The following PDE10A variants were observed in gnomAD, a reference collection of about 807,000 sequenced individuals.
PDE10A encodes phosphodiesterase 10A.
A neutral mutation model predicts 97.7 loss-of-function variants in PDE10A; 39 were observed. The observed-to-expected ratio is 0.40, with a 90% CI of 0.31 to 0.52. The LOEUF is 0.52. Among genes scored for constraint, PDE10A ranks in the 20% least tolerant of loss-of-function variants. PDE10A has a pLI of 0.56. For missense variants in PDE10A, 731 were observed against 1,047.8 expected (o/e 0.70, Z 4.17); for synonymous variants, 371 against 376.8 (o/e 0.98, Z 0.18).
At chr6:165,628,702 G>C (rs1173473070) in intron 1 of PDE10A, among the ~76,000 whole-genome samples, 1 of 152,088 alleles carries the variant, frequency 6.6e-6, no homozygotes, top group African/African-American at 2.4e-5. Context: ...TTGGAAGTCA[G>C]AGAGGCACAC....
At chr6:165,896,082 G>A (rs567410288) in intron 1 of PDE10A, among the ~76,000 whole-genome samples, 10 of 152,290 alleles carry the variant, frequency 6.6e-5, no homozygotes, top group East Asian at 1.9e-4. Flanking sequence ...TGCCCGGGCC[G>A]TGGTGAGAAC....
chr6:165,605,687 G>A (rs1050943183), intron 1 of PDE10A, among the ~76,000 whole-genome samples: 1 of 152,112 alleles, frequency 6.6e-6, no homozygotes, highest in Non-Finnish European at 1.5e-5. Context: ...GTGGCAGGCT[G>A]TTGAGTGCCT....
At chr6:165,790,374 G>A (rs1356565745) in intron 1 of PDE10A, among the ~76,000 whole-genome samples, 2 of 152,172 alleles carry the variant, frequency 1.3e-5, no homozygotes. Flanking sequence ...AATATGCCCT[G>A]AAAACAGCGG....
chr6:165,877,447 G>A (rs1292838130), intron 1 of PDE10A, among the ~76,000 whole-genome samples: 1 of 152,098 alleles, frequency 6.6e-6, no homozygotes, highest in Non-Finnish European at 1.5e-5. Context: ...GTAGCCACAG[G>A]TCTATAGGTC....
At position 165,395,230 on chromosome 6, in the gene PDE10A, A is replaced by G; in HGVS notation, c.2254T>C (p.Trp752Arg). ...ACCATGTAGACAAAAATTCCAGGCCACATGTTTTCAAAAGGACCAATGTCA... is the reference window on the plus strand; with the variant it reads ...ACCATGTAGACAAAAATTCCAGGCCGCATGTTTTCAAAAGGACCAATGTCA... ...HFDIGPFENM[W>R]PGIFVYMVHR... The change falls in exon 15 of 22, where the codon TGG becomes CGG. Residue 752 changes from tryptophan (W) to arginine (R), a missense_variant. Trp to Arg is a moderately radical substitution (Grantham distance 101). This residue lies in a region of PDE10A where 131 missense variants were observed against 187.4 expected (regional missense o/e 0.70). Coordinates refer to ENST00000539869, the MANE Select transcript of PDE10A (RefSeq NM_001385079.1). 2 of 1,613,400 alleles carry G rather than the reference A, an allele frequency of 1.2e-6. No homozygotes were observed. Among genetic ancestry groups the G allele is most frequent in the Non-Finnish European group, 1.7e-6 (2 of 1,179,466 alleles).
At chr6:165,861,929 C>T (rs1780916909) in intron 1 of PDE10A, among the ~76,000 whole-genome samples, 1 of 152,136 alleles carries the variant, frequency 6.6e-6, no homozygotes, top group African/African-American at 2.4e-5. Context: ...AGATCCCTGC[C>T]CTTCAGACTC....
At chr6:165,614,682 T>C (rs930963704) in intron 1 of PDE10A, among the ~76,000 whole-genome samples, 2 of 152,146 alleles carry the variant, frequency 1.3e-5, no homozygotes, top group African/African-American at 2.4e-5. Flanking sequence ...ACTGTTGTAT[T>C]TCCAGCATCT....
At chr6:165,508,085 T>G (rs1292694745) in intron 2 of PDE10A, among the ~76,000 whole-genome samples, 3 of 152,090 alleles carry the variant, frequency 2.0e-5, no homozygotes, top group Non-Finnish European at 4.4e-5. Context: ...ATTTTATGAA[T>G]GTATACTTGA....
chr6:165,871,360 A>G (rs1462194373), intron 1 of PDE10A, among the ~76,000 whole-genome samples: 1 of 152,208 alleles, frequency 6.6e-6, no homozygotes, highest in Non-Finnish European at 1.5e-5. Context: ...AAAGCAAGAA[A>G]AGCTACAGAT....
chr6:165,666,266 A>G (rs988377962), upstream of PDE10A, among the ~76,000 whole-genome samples: 5 of 152,072 alleles, frequency 3.3e-5, no homozygotes, highest in Non-Finnish European at 7.4e-5. Context: ...ATTCTTGAAA[A>G]CCCTGTTTCC....
intron 1 of PDE10A, among the ~76,000 whole-genome samples, chr6:165,595,225 C>T (rs828558): frequency 0.013 from 1,939 of 152,238 alleles, 43 homozygotes; most frequent in African/African-American, 0.045. Flanking sequence ...CTTTGCTAGC[C>T]TACTTGTCTC....
At chr6:165,894,686 C>T (rs1472145577) in intron 1 of PDE10A, 2 of 360,572 alleles carry the variant, frequency 5.5e-6, no homozygotes, top group Non-Finnish European at 1.1e-5. Context: ...GGATTCTTCT[C>T]AATTCAGAGG....
At chr6:165,980,366 G>C (rs745510406) in intron 1 of PDE10A, among the ~76,000 whole-genome samples, 5 of 149,430 alleles carry the variant, frequency 3.3e-5, no homozygotes, top group Non-Finnish European at 7.4e-5. Context: ...TACATGTGTT[G>C]AGAAAGTACT....
chr6:165,765,628 A>G (rs1047493889), intron 1 of PDE10A, among the ~76,000 whole-genome samples: 4 of 152,154 alleles, frequency 2.6e-5, no homozygotes, highest in Non-Finnish European at 4.4e-5. Context: ...GCTGGCCCGC[A>G]AGCGCCACAT....
intron 1 of PDE10A, among the ~76,000 whole-genome samples, chr6:165,570,665 C>T (rs1401603936): frequency 6.6e-6 from 1 of 152,178 alleles, no homozygotes; most frequent in Non-Finnish European, 1.5e-5. Flanking sequence ...AAAATCAATG[C>T]TATATAAGAC....
At chr6:165,721,256 T>G (rs1792161580) in intron 1 of PDE10A, among the ~76,000 whole-genome samples, 1 of 152,234 alleles carries the variant, frequency 6.6e-6, no homozygotes, top group Admixed American at 6.5e-5. Context: ...GTTTACGATT[T>G]AATGCGTTCA....
chr6:165,784,401 C>A (rs6928719), intron 1 of PDE10A, among the ~76,000 whole-genome samples: 77,273 of 151,874 alleles, frequency 0.51, 20,237 homozygotes, highest in Middle Eastern at 0.58. Context: ...GTTTGCTTAG[C>A]TTAGCCCTCT....
intron 1 of PDE10A, among the ~76,000 whole-genome samples, chr6:165,892,457 C>T (rs951230861): frequency 3.3e-5 from 5 of 152,202 alleles, no homozygotes; most frequent in Non-Finnish European, 5.9e-5. Context: ...AAGGGAATGC[C>T]GAGCCTGGCC....
At chr6:165,804,913 G>C (rs906523320) in intron 1 of PDE10A, among the ~76,000 whole-genome samples, 5 of 149,682 alleles carry the variant, frequency 3.3e-5, no homozygotes, top group Non-Finnish European at 7.4e-5. Flanking sequence ...AAGCAGAGGG[G>C]CGCACGGAGG....
Sources: allele counts gnomAD v4.1 joint callset (sites outside exome capture counted in the v4.1 genomes callset), GRCh38; gene constraint gnomAD v4.1.1; regional missense constraint gnomAD v4.1.1; transcripts MANE v1.5; gene names NCBI Gene and HGNC (gene_info 2026-07-23, HGNC 2026-07-21).